The following DCAF8L2 variants were observed in gnomAD, a reference collection of about 807,000 sequenced individuals.
DCAF8L2 encodes the protein DDB1 and CUL4 associated factor 8 like 2, also known as DDB1- and CUL4-associated factor 8-like protein 2.
For missense variants in DCAF8L2, 430 were observed against 490.7 expected, an observed-to-expected ratio of 0.88 and a Z score of 1.17; for synonymous variants, 200 against 190.9, an observed-to-expected ratio of 1.05 and a Z score of -0.39.
the DCAF8L2 span, among the ~76,000 whole-genome samples, chrX:27,494,371 A>G: frequency 1.8e-5 from 2 of 111,316 alleles, no homozygotes; most frequent in African/African-American, 6.5e-5. Context: ...GAGCCACTGC[A>G]CTCTAGCCTG....
At chrX:27,527,966 A>T in the DCAF8L2 span, among the ~76,000 whole-genome samples, 1 of 33,841 alleles carries the variant, frequency 3.0e-5, no homozygotes, top group Admixed American at 4.3e-4. Flanking sequence ...GCTTGGAATT[A>T]TTAAATTCCA....
chrX:27,733,712 A>T (rs190519961), intron 4 of DCAF8L2, among the ~76,000 whole-genome samples: 2 of 111,422 alleles, frequency 1.8e-5, no homozygotes, highest in East Asian at 5.6e-4. Flanking sequence ...TGTGTATAGT[A>T]TAAGATAAGG....
intron 1 of DCAF8L2, among the ~76,000 whole-genome samples, chrX:27,624,141 T>C (rs1047198094): frequency 8.9e-6 from 1 of 111,888 alleles, no homozygotes; most frequent in Admixed American, 9.5e-5. Flanking sequence ...TAAGACCAAT[T>C]ATTATTGTGC....
At chrX:27,512,810 A>C in the DCAF8L2 span, among the ~76,000 whole-genome samples, 1 of 101,613 alleles carries the variant, frequency 9.8e-6, no homozygotes, top group Admixed American at 1.1e-4. Context: ...AAAAAAAAAA[A>C]CAAAGCTGGA....
the DCAF8L2 span, among the ~76,000 whole-genome samples, chrX:27,574,863 A>T: frequency 1.8e-5 from 2 of 111,227 alleles, no homozygotes; most frequent in East Asian, 5.7e-4. Flanking sequence ...GTGAATGTTT[A>T]CTGCTCCTGA....
the DCAF8L2 span, among the ~76,000 whole-genome samples, chrX:27,546,437 T>C: frequency 8.9e-6 from 1 of 111,761 alleles, no homozygotes; most frequent in Non-Finnish European, 1.9e-5. Context: ...TGGAGAACGG[T>C]GTCCCTCTTC....
the DCAF8L2 span, among the ~76,000 whole-genome samples, chrX:27,493,088 A>T: frequency 9.1e-6 from 1 of 109,864 alleles, no homozygotes; most frequent in East Asian, 2.9e-4. Context: ...AAACATAAAA[A>T]AATTATCCAG....
At chrX:27,469,045 TC>T in the DCAF8L2 span, among the ~76,000 whole-genome samples, 3 of 112,152 alleles carry the variant, frequency 2.7e-5, no homozygotes, top group Admixed American at 9.5e-5. Context: ...GCAGTTTCTG[TC>T]AGCATTAGTA....
the DCAF8L2 span, among the ~76,000 whole-genome samples, chrX:27,541,908 A>G: frequency 9.0e-6 from 1 of 111,143 alleles, no homozygotes; most frequent in Non-Finnish European, 1.9e-5. Flanking sequence ...GTGTGTATCC[A>G]GTGCTTACTT....
At chrX:27,675,594 T>A (rs115575493) in intron 2 of DCAF8L2, among the ~76,000 whole-genome samples, 2,053 of 112,074 alleles carry the variant, frequency 0.018, 38 homozygotes, top group African/African-American at 0.062. Context: ...AATGTCATTA[T>A]GTTAAGCACT....
rs1927516441 is a variant in DCAF8L2 at position 27,617,095 on chromosome X, A to G, written c.-341-14784A>G. ...CTTTAATAGATTAGAAGAATGGTCCAAGTAGTCTGATTTAACTCATCAAAA... is the reference window on the plus strand; with the variant it reads ...CTTTAATAGATTAGAAGAATGGTCCGAGTAGTCTGATTTAACTCATCAAAA... On this transcript the variant is annotated intron_variant, in intron 1 of 4. Transcript: ENST00000451261. Among the ~76,000 whole-genome samples, 3 of 111,310 alleles carry G rather than the reference A, an allele frequency of 2.7e-5. No individual in the cohort carries two copies. The South Asian group carries it at 1.1e-3, about 42-fold the overall frequency.
intron 1 of DCAF8L2, among the ~76,000 whole-genome samples, chrX:27,594,417 T>C (rs977612630): frequency 2.2e-4 from 25 of 111,289 alleles, no homozygotes; most frequent in African/African-American, 6.5e-4. Flanking sequence ...ATATGTTCTT[T>C]ACTCAGAATC....
intron 2 of DCAF8L2, among the ~76,000 whole-genome samples, chrX:27,677,287 T>C (rs762897859): frequency 1.8e-5 from 2 of 111,630 alleles, no homozygotes; most frequent in Non-Finnish European, 3.8e-5. Flanking sequence ...CATATAAAGG[T>C]TTGAAAAAGT....
At chrX:27,536,724 C>T in the DCAF8L2 span, among the ~76,000 whole-genome samples, 1 of 111,074 alleles carries the variant, frequency 9.0e-6, no homozygotes, top group Non-Finnish European at 1.9e-5. Context: ...TCCAGCCCAC[C>T]ATACATGAAC....
the DCAF8L2 span, among the ~76,000 whole-genome samples, chrX:27,531,178 C>T: frequency 1.8e-5 from 2 of 111,831 alleles, no homozygotes; most frequent in Admixed American, 9.5e-5. Context: ...TTAATTGGCT[C>T]GCAGTTCCAC....
chrX:27,622,653 G>T (rs1442918357), intron 1 of DCAF8L2, among the ~76,000 whole-genome samples: 1 of 110,953 alleles, frequency 9.0e-6, no homozygotes, highest in Non-Finnish European at 1.9e-5. Context: ...GATACTTCTG[G>T]ATTATTCCAT....
At chrX:27,628,664 C>T (rs1480040368) in intron 1 of DCAF8L2, among the ~76,000 whole-genome samples, 7 of 104,753 alleles carry the variant, frequency 6.7e-5, no homozygotes, top group Non-Finnish European at 1.4e-4. Flanking sequence ...AGTGCAGTGG[C>T]GCGATCTCGG....
At chrX:27,644,901 C>T (rs187479955) in intron 2 of DCAF8L2, among the ~76,000 whole-genome samples, 149 of 111,772 alleles carry the variant, frequency 1.3e-3, no homozygotes, top group Middle Eastern at 9.3e-3. Context: ...ATTACATGCA[C>T]GTGCCACCAC....
intron 2 of DCAF8L2, among the ~76,000 whole-genome samples, chrX:27,668,647 C>T (rs1385484942): frequency 1.8e-5 from 2 of 111,966 alleles, no homozygotes; most frequent in African/African-American, 6.5e-5. Flanking sequence ...TTTCTGGTTT[C>T]CTCTACTCAG....
Sources: allele counts gnomAD v4.1 joint callset (sites outside exome capture counted in the v4.1 genomes callset), GRCh38; gene constraint gnomAD v4.1.1; transcripts MANE v1.5; gene names NCBI Gene and HGNC (gene_info 2026-07-23, HGNC 2026-07-21).